The following SLC9C1 variants were observed in gnomAD, a reference collection of about 807,000 sequenced individuals.
SLC9C1 encodes sodium/hydrogen exchanger 10.
In SLC9C1, 97 loss-of-function variants were observed where a neutral mutation model predicts 140.9. The observed-to-expected ratio is 0.69, with a 90% confidence interval of 0.58 to 0.82. The LOEUF is 0.82. Ranked by LOEUF, SLC9C1 falls within the 40% of genes least tolerant of loss-of-function variation. SLC9C1 has a pLI of 0.00. For synonymous variants in SLC9C1, 440 were observed against 442.6 expected (o/e 0.99, Z 0.07); for missense variants, 1,340 against 1,389.3 (o/e 0.96, Z 0.56).
chr3:112,154,960 C>T (rs750420762), intron 27 of SLC9C1, 37 bp downstream of exon 27: 8 of 1,583,184 alleles, frequency 5.1e-6, no homozygotes, highest in Non-Finnish European at 6.9e-6. Context: ...CTCTTTTACC[C>T]AAAATACAAC....
intron 14 of SLC9C1, among the ~76,000 whole-genome samples, chr3:112,218,300 CAGA>C (rs1429220973): frequency 1.3e-5 from 2 of 151,870 alleles, no homozygotes; most frequent in African/African-American, 4.8e-5. Flanking sequence ...TCGTCATGAT[CAGA>C]AGGAGAGTAA....
intron 14 of SLC9C1, among the ~76,000 whole-genome samples, chr3:112,218,174 G>GTTT (rs61498352): frequency 1.4e-5 from 2 of 143,332 alleles, no homozygotes; most frequent in Non-Finnish European, 1.5e-5. Flanking sequence ...TTTCTGCTAG[G>GTTT]TTTTTTTTTT....
rs143879017 is a variant in SLC9C1, at chr3:112,293,392, G to C, written c.-88+701C>G. On this transcript the variant is annotated intron_variant, in intron 1 of 28. Transcript: ENST00000305815. ...GACATGAATTTGTCCTTGTCAGTCA[G>C]CCAGCATTGAGAAATTTTGTCTCAT... Among the ~76,000 whole-genome samples the C allele has an allele frequency of 9.9e-5, 15 of 152,268 alleles. No homozygotes were observed. The East Asian group carries it at 2.9e-3, about 29-fold the overall frequency.
At chr3:112,228,234 A>C (rs1282160207) in intron 13 of SLC9C1, among the ~76,000 whole-genome samples, 5 of 152,126 alleles carry the variant, frequency 3.3e-5, no homozygotes, top group Non-Finnish European at 1.5e-5. Flanking sequence ...TAGAAAACCC[A>C]GGAATATATT....
intron 18 of SLC9C1, 151 bp from the exon 19 acceptor site, chr3:112,200,913 C>CTGAAG: frequency 1.5e-6 from 1 of 673,708 alleles, no homozygotes; most frequent in Non-Finnish European, 2.5e-6. Context: ...GAATTTTGTG[C>CTGAAG]CGCAGCACTT....
chr3:112,247,680 T>C (rs1348263034), intron 10 of SLC9C1, among the ~76,000 whole-genome samples: 2 of 152,196 alleles, frequency 1.3e-5, no homozygotes, highest in African/African-American at 4.8e-5. Context: ...AAATTCCTAC[T>C]TTGTTAATTG....
intron 26 of SLC9C1, among the ~76,000 whole-genome samples, chr3:112,161,952 G>C (rs2075313102): frequency 6.6e-6 from 1 of 151,880 alleles, no homozygotes; most frequent in African/African-American, 2.4e-5. Flanking sequence ...TCCTTGAGCA[G>C]TGGTTTGTAG....
rs187078566 is a variant in SLC9C1, at chr3:112,161,319, T to G, written c.3364+5902A>C. ...TTTGGCTTTTGTTGCAATTGCTTTTTGTGTTTTAGACATGAAGTCCTTGCC... is the reference window on the plus strand; with the variant it reads ...TTTGGCTTTTGTTGCAATTGCTTTTGGTGTTTTAGACATGAAGTCCTTGCC... On this transcript the variant is annotated intron_variant, in intron 26 of 28. Transcript: ENST00000305815. 6.9e-3 allele frequency among the ~76,000 whole-genome samples: 1,057 copies of G among 152,254 alleles called. 3 individuals carry two copies. Among genetic ancestry groups the G allele is most frequent in the Non-Finnish European group, 0.011 (743 of 68,010 alleles).
intron 20 of SLC9C1, among the ~76,000 whole-genome samples, chr3:112,192,406 T>C (rs764494133): frequency 4.1e-4 from 62 of 152,216 alleles, no homozygotes; most frequent in Non-Finnish European, 1.5e-4. Context: ...TCAAGATTCA[T>C]CTATATTGTA....
At chr3:112,287,770 G>A (rs989645596) in intron 1 of SLC9C1, among the ~76,000 whole-genome samples, 22 of 152,038 alleles carry the variant, frequency 1.4e-4, no homozygotes, top group Middle Eastern at 3.2e-3. Context: ...ATTCCTGGCC[G>A]GGCACGGTGG....
At chr3:112,253,178 G>T (rs1392323474) in intron 10 of SLC9C1, among the ~76,000 whole-genome samples, 1 of 152,150 alleles carries the variant, frequency 6.6e-6, no homozygotes, top group Non-Finnish European at 1.5e-5. Context: ...TTACTCACCT[G>T]CATCTCTCTG....
chr3:112,283,022 AAAC>A (rs1277730861), intron 2 of SLC9C1, among the ~76,000 whole-genome samples: 5 of 152,218 alleles, frequency 3.3e-5, no homozygotes, highest in African/African-American at 1.2e-4. Context: ...AAACAAACTA[AAAC>A]AACATTAATG....
chr3:112,176,534 C>T (rs1169333482), intron 23 of SLC9C1, among the ~76,000 whole-genome samples: 1 of 152,146 alleles, frequency 6.6e-6, no homozygotes, highest in Non-Finnish European at 1.5e-5. Flanking sequence ...TGGTTTTTAC[C>T]GAATGCTTTA....
chr3:112,230,740 C>T (rs2078798870), intron 13 of SLC9C1, among the ~76,000 whole-genome samples: 1 of 152,084 alleles, frequency 6.6e-6, no homozygotes, highest in Non-Finnish European at 1.5e-5. Context: ...TATGAACACC[C>T]TAAGAGGACA....
chr3:112,266,211 T>C (rs2079914333), intron 8 of SLC9C1, 27 bp downstream of exon 8: 1 of 1,474,412 alleles, frequency 6.8e-7, no homozygotes, highest in Non-Finnish European at 9.4e-7. Context: ...GTGTATGAAA[T>C]AAAGTCAAAA....
chr3:112,208,035 T>A (rs1468600716), intron 16 of SLC9C1, 143 bp downstream of exon 16: 1 of 575,462 alleles, frequency 1.7e-6, no homozygotes, highest in African/African-American at 1.9e-5. Context: ...AAAATCACCT[T>A]CAAAAATTAA....
At chr3:112,233,066 T>TTAC (rs2108179388) in intron 12 of SLC9C1, among the ~76,000 whole-genome samples, 1 of 72,906 alleles carries the variant, frequency 1.4e-5, no homozygotes, top group East Asian at 6.9e-4. Flanking sequence ...TATATATATA[T>TTAC]ATTATATTTT....
At chr3:112,252,650 C>T (rs1045735986) in intron 10 of SLC9C1, among the ~76,000 whole-genome samples, 1 of 152,170 alleles carries the variant, frequency 6.6e-6, no homozygotes, top group Non-Finnish European at 1.5e-5. Flanking sequence ...TCAGAACTCT[C>T]TGGGACAGAG....
chr3:112,236,982 C>T (rs576250826), intron 12 of SLC9C1, among the ~76,000 whole-genome samples: 58 of 152,218 alleles, frequency 3.8e-4, no homozygotes, highest in African/African-American at 1.2e-3. Context: ...CTGTTAGGTC[C>T]GCTTGGTGCA....
Sources: allele counts gnomAD v4.1 joint callset (sites outside exome capture counted in the v4.1 genomes callset), GRCh38; gene constraint gnomAD v4.1.1; transcripts MANE v1.5; gene names NCBI Gene and HGNC (gene_info 2026-07-23, HGNC 2026-07-21).